The following MEGF9 variants were observed in gnomAD, a reference collection of about 807,000 sequenced individuals.
MEGF9 encodes the protein multiple epidermal growth factor-like domains protein 9.
Under a neutral mutation model 46.8 loss-of-function variants are expected in MEGF9, and 6 were observed. The ratio of observed to expected loss-of-function variants is 0.13; its 90% CI spans 0.07 to 0.25. MEGF9 has a LOEUF of 0.25. Among genes scored for constraint, MEGF9 ranks in the 10% least tolerant of loss-of-function variants. MEGF9 has a pLI of 1.00. For missense variants in MEGF9, 683 were observed against 792.4 expected (o/e 0.86, Z 1.66); for synonymous variants, 302 against 330.7 (o/e 0.91, Z 0.94).
intron 2 of MEGF9, among the ~76,000 whole-genome samples, chr9:120,623,891 A>G (rs2043512522): frequency 6.6e-6 from 1 of 152,220 alleles, no homozygotes. Flanking sequence ...GTTAATCAAA[A>G]TATGCTTACT....
intron 2 of MEGF9, among the ~76,000 whole-genome samples, chr9:120,643,570 C>T (rs1247697653): frequency 2.0e-5 from 3 of 152,106 alleles, no homozygotes; most frequent in Non-Finnish European, 4.4e-5. Context: ...GTCTATACTC[C>T]CTTGAATGAC....
At chr9:120,680,458 C>G (rs2043792954) in intron 1 of MEGF9, among the ~76,000 whole-genome samples, 1 of 152,122 alleles carries the variant, frequency 6.6e-6, no homozygotes, top group African/African-American at 2.4e-5. Context: ...ATTCTTTACC[C>G]TTACCATCTC....
At chr9:120,622,164 G>C (rs570642882) in intron 3 of MEGF9, among the ~76,000 whole-genome samples, 1 of 152,306 alleles carries the variant, frequency 6.6e-6, no homozygotes, top group South Asian at 2.1e-4. Context: ...CTGTGGGAAA[G>C]CTGGCCTTGT....
At chr9:120,672,937 C>T (rs915810437) in intron 1 of MEGF9, among the ~76,000 whole-genome samples, 10 of 152,112 alleles carry the variant, frequency 6.6e-5, no homozygotes, top group Non-Finnish European at 1.3e-4. Flanking sequence ...GCAGGAGAAT[C>T]GCTTGAATCC....
chr9:120,653,661 C>T (rs112087965), intron 2 of MEGF9, among the ~76,000 whole-genome samples: 4,243 of 152,154 alleles, frequency 0.028, 222 homozygotes, highest in African/African-American at 0.098. Flanking sequence ...CGTGGGCCAC[C>T]GCGCCCGGCC....
At chr9:120,705,443 G>C (rs536982800) in intron 1 of MEGF9, among the ~76,000 whole-genome samples, 22 of 151,470 alleles carry the variant, frequency 1.5e-4, no homozygotes, top group Middle Eastern at 3.4e-3. Flanking sequence ...AAAGATCATG[G>C]AAAGAATGGT....
chr9:120,649,958 G>A (rs1275400101), intron 2 of MEGF9, among the ~76,000 whole-genome samples: 1 of 152,040 alleles, frequency 6.6e-6, no homozygotes, highest in Non-Finnish European at 1.5e-5. Flanking sequence ...CTAACCTACC[G>A]TGAATACATT....
At chr9:120,634,841 G>C (rs1188182485) in intron 2 of MEGF9, among the ~76,000 whole-genome samples, 2 of 151,944 alleles carry the variant, frequency 1.3e-5, no homozygotes, top group Non-Finnish European at 2.9e-5. Context: ...TTGATGTTTG[G>C]TGGTTTTTTT....
chr9:120,665,341 G>A (rs1434334285), intron 1 of MEGF9, among the ~76,000 whole-genome samples: 4 of 152,052 alleles, frequency 2.6e-5, no homozygotes, highest in African/African-American at 7.3e-5. Flanking sequence ...AAGTAGCTGG[G>A]ATTACAGGGG....
At chr9:120,635,519 CT>C (rs79345594) in intron 2 of MEGF9, among the ~76,000 whole-genome samples, 5 of 149,742 alleles carry the variant, frequency 3.3e-5, no homozygotes, top group Non-Finnish European at 3.0e-5. Context: ...ATTTCTCTCT[CT>C]TTTTTTTTTC....
chr9:120,614,180 C>G (rs570677706), intron 3 of MEGF9, among the ~76,000 whole-genome samples: 1 of 152,094 alleles, frequency 6.6e-6, no homozygotes, highest in African/African-American at 2.4e-5. Flanking sequence ...CATGTCACCA[C>G]GCCTGGCTAA....
intron 1 of MEGF9, among the ~76,000 whole-genome samples, chr9:120,665,198 C>T (rs978664380): frequency 7.2e-6 from 1 of 138,156 alleles, no homozygotes; most frequent in Non-Finnish European, 1.6e-5. Context: ...CTTCTAATAC[C>T]TCCAATTCTA....
intron 1 of MEGF9, among the ~76,000 whole-genome samples, chr9:120,661,746 T>C (rs1587987916): frequency 1.3e-5 from 2 of 152,362 alleles, no homozygotes; most frequent in South Asian, 4.1e-4. Context: ...ACATGATAGC[T>C]ACTTTCTGCG....
chr9:120,652,430 T>C (rs566726539), intron 2 of MEGF9, among the ~76,000 whole-genome samples: 59 of 144,262 alleles, frequency 4.1e-4, no homozygotes, highest in African/African-American at 1.5e-3. Context: ...CGAGCCATGA[T>C]TGAGCCACAT....
Position 120,659,355 on chromosome 9 carries a change from T to C in MEGF9, c.803+19A>G. 1 of 1,607,918 alleles carries C rather than the reference T, an allele frequency of 6.2e-7. No homozygotes were observed. The highest frequency in any genetic ancestry group is 8.5e-7 in the Non-Finnish European group (1 of 1,176,640). On this transcript the variant is annotated intron_variant, in intron 2 of 5. Transcript: ENST00000373930. ...TTGCTAAAATAAAATAAACTTCAGT[T>C]CCACCCTCTGTTGCTTACCTGTTGC...
chr9:120,631,551 C>T (rs1347282923), intron 2 of MEGF9, among the ~76,000 whole-genome samples: 1 of 151,078 alleles, frequency 6.6e-6, no homozygotes, highest in African/African-American at 2.4e-5. Flanking sequence ...GTGGTGCAAT[C>T]TCAACTCACT....
chr9:120,688,116 C>A (rs2043831539), intron 1 of MEGF9, among the ~76,000 whole-genome samples: 1 of 145,680 alleles, frequency 6.9e-6, no homozygotes, highest in South Asian at 2.2e-4. Flanking sequence ...CTGAATGCAT[C>A]ATCTCCTCTC....
At chr9:120,708,433 C>A (rs2043938525) in intron 1 of MEGF9, among the ~76,000 whole-genome samples, 2 of 152,188 alleles carry the variant, frequency 1.3e-5, no homozygotes, top group Admixed American at 1.3e-4. Context: ...GTTTACATGT[C>A]ATGGTAGTCA....
chr9:120,636,341 A>G (rs1181799580), intron 2 of MEGF9, among the ~76,000 whole-genome samples: 2 of 152,058 alleles, frequency 1.3e-5, no homozygotes, highest in African/African-American at 4.8e-5. Context: ...TCTGTTTCCA[A>G]TTGGGTGCAG....
Sources: allele counts gnomAD v4.1 joint callset (sites outside exome capture counted in the v4.1 genomes callset), GRCh38; gene constraint gnomAD v4.1.1; transcripts MANE v1.5; gene names NCBI Gene and HGNC (gene_info 2026-07-23, HGNC 2026-07-21).